The following MAGI2 variants were observed in gnomAD, a reference collection of about 807,000 sequenced individuals.
MAGI2 encodes membrane associated guanylate kinase, WW and PDZ domain containing 2, also known as membrane-associated guanylate kinase, WW and PDZ domain-containing protein 2.
Under a neutral mutation model 133.3 loss-of-function variants are expected in MAGI2, and 35 were observed. That is an observed-to-expected ratio of 0.26 (90% CI 0.20 to 0.35). The LOEUF is 0.35. MAGI2 is among the 10% of genes least tolerant of loss of function. The probability of loss-of-function intolerance (pLI) is 1.00; values close to 1 mark genes in which losing one functional copy is unlikely to be tolerated. For missense variants in MAGI2, 1,636 were observed against 1,863.4 expected, an observed-to-expected ratio of 0.88 and a Z score of 2.25; for synonymous variants, 729 against 710.6, an observed-to-expected ratio of 1.03 and a Z score of -0.41.
At chr7:79,118,911 A>T (rs1359315698) in intron 1 of MAGI2, among the ~76,000 whole-genome samples, 2 of 152,136 alleles carry the variant, frequency 1.3e-5, no homozygotes, top group Non-Finnish European at 2.9e-5. Flanking sequence ...TTCTTCAAAG[A>T]TTGTTTTACA....
chr7:79,071,351 C>T (rs1258720079), intron 1 of MAGI2, among the ~76,000 whole-genome samples: 1 of 152,008 alleles, frequency 6.6e-6, no homozygotes, highest in African/African-American at 2.4e-5. Flanking sequence ...CCCCCAGATG[C>T]CAGCCATAGC....
At chr7:78,951,086 C>T (rs1457809551) in intron 2 of MAGI2, among the ~76,000 whole-genome samples, 1 of 151,754 alleles carries the variant, frequency 6.6e-6, no homozygotes, top group Non-Finnish European at 1.5e-5. Flanking sequence ...ATTCTCCTGC[C>T]TCAGCCTCCC....
At chr7:79,229,744 T>G (rs185228685) in intron 1 of MAGI2, among the ~76,000 whole-genome samples, 23 of 152,278 alleles carry the variant, frequency 1.5e-4, no homozygotes, top group African/African-American at 5.1e-4. Context: ...TTCTTTTCAT[T>G]TAGCAAAATT....
chr7:79,005,381 A>G lies in MAGI2; in HGVS notation c.418+1709T>C, dbSNP rs572659572. On this transcript the variant is annotated intron_variant, in intron 2 of 21. Transcript: ENST00000354212. ...ATTTATGACCTTGTACTGAAATTAC[A>G]TCTTGAAGCTCTTTATGTTTACTCA... 3.3e-5 allele frequency among the ~76,000 whole-genome samples: 5 copies of G among 152,272 alleles called. No homozygotes were observed. In the East Asian group the frequency reaches 9.7e-4, roughly 30 times the overall value.
intron 1 of MAGI2, among the ~76,000 whole-genome samples, chr7:79,078,104 G>A (rs1445052598): frequency 6.6e-6 from 1 of 152,154 alleles, no homozygotes; most frequent in East Asian, 1.9e-4. Context: ...GTAAGACGGA[G>A]GATGGGAGAA....
At chr7:79,135,963 GA>G (rs1169635541) in intron 1 of MAGI2, among the ~76,000 whole-genome samples, 4 of 26,114 alleles carry the variant, frequency 1.5e-4, no homozygotes, top group East Asian at 1.4e-3. Flanking sequence ...AAGAAAGAAA[GA>G]AAGAAAGAAA....
intron 2 of MAGI2, among the ~76,000 whole-genome samples, chr7:78,649,392 C>T (rs982056823): frequency 6.6e-6 from 1 of 151,754 alleles, no homozygotes; most frequent in Non-Finnish European, 1.5e-5. Context: ...TAAAGAATTG[C>T]TTTTGGATTC....
chr7:79,395,640 T>C (rs1021667110), intron 1 of MAGI2, among the ~76,000 whole-genome samples: 3 of 152,214 alleles, frequency 2.0e-5, no homozygotes, highest in Non-Finnish European at 4.4e-5. Context: ...TCCATCAATT[T>C]ACATTGAACC....
intron 3 of MAGI2, among the ~76,000 whole-genome samples, chr7:78,612,342 T>C (rs187635564): frequency 5.3e-5 from 8 of 152,096 alleles, no homozygotes; most frequent in Admixed American, 5.2e-4. Flanking sequence ...ATTAAATAAA[T>C]AATAATTATA....
At chr7:78,846,223 TAACCGTACAATCTGG>T (rs796740048) in intron 2 of MAGI2, among the ~76,000 whole-genome samples, 58 of 151,990 alleles carry the variant, frequency 3.8e-4, no homozygotes, top group African/African-American at 1.3e-3. Flanking sequence ...AGTTCTCCAT[TAACCGTACAATCTGG>T]AAGAAAAGAA....
intron 5 of MAGI2, among the ~76,000 whole-genome samples, chr7:78,498,077 C>T (rs1794287735): frequency 6.6e-6 from 1 of 151,838 alleles, no homozygotes; most frequent in African/African-American, 2.4e-5. Flanking sequence ...TATTTATTTA[C>T]TTAATTGATA....
chr7:78,779,613 T>A (rs1186448295), intron 2 of MAGI2, among the ~76,000 whole-genome samples: 1 of 152,226 alleles, frequency 6.6e-6, no homozygotes, highest in East Asian at 1.9e-4. Flanking sequence ...GGATAACTTA[T>A]TTAATGTCAA....
intron 1 of MAGI2, among the ~76,000 whole-genome samples, chr7:79,359,529 A>G (rs746074792): frequency 1.3e-5 from 2 of 152,122 alleles, no homozygotes; most frequent in Non-Finnish European, 2.9e-5. Context: ...TAAAGAATCC[A>G]TTCCAAGAAA....
chr7:78,291,204 AAG>A (rs1240353524), intron 9 of MAGI2, among the ~76,000 whole-genome samples: 1 of 152,220 alleles, frequency 6.6e-6, no homozygotes, highest in Non-Finnish European at 1.5e-5. Context: ...TAAAGAAGAA[AAG>A]AGAGAAGAAT....
At chr7:78,947,139 G>C (rs972981803) in intron 2 of MAGI2, among the ~76,000 whole-genome samples, 1 of 151,724 alleles carries the variant, frequency 6.6e-6, no homozygotes, top group Non-Finnish European at 1.5e-5. Context: ...TCTCTTCTTG[G>C]TTTAGTAAAA....
intron 3 of MAGI2, among the ~76,000 whole-genome samples, chr7:78,606,817 C>T (rs970554511): frequency 1.2e-4 from 14 of 116,992 alleles, no homozygotes; most frequent in Non-Finnish European, 2.3e-4. Context: ...ATTCTGTTTA[C>T]CATGCCCTCC....
chr7:78,398,826 C>T (rs1796594300), intron 6 of MAGI2, among the ~76,000 whole-genome samples: 1 of 152,110 alleles, frequency 6.6e-6, no homozygotes, highest in Non-Finnish European at 1.5e-5. Context: ...GTTTAAAAAT[C>T]CTCCTGCTTT....
At chr7:79,420,364 T>C (rs555993337) in intron 1 of MAGI2, among the ~76,000 whole-genome samples, 1 of 152,094 alleles carries the variant, frequency 6.6e-6, no homozygotes, top group African/African-American at 2.4e-5. Flanking sequence ...ACTTAGAAAC[T>C]ACTCAAAGTG....
intron 6 of MAGI2, among the ~76,000 whole-genome samples, chr7:78,385,988 G>A (rs1446284468): frequency 2.6e-5 from 1 of 38,606 alleles, no homozygotes; most frequent in Non-Finnish European, 4.3e-5. Context: ...TTCAAACAGA[G>A]CAAAACTTCC....
Sources: gnomAD v4.1 joint callset for allele counts (sites outside exome capture counted in the v4.1 genomes callset) on GRCh38, gnomAD v4.1.1 for gene constraint, MANE v1.5 for transcripts, NCBI Gene and HGNC (gene_info 2026-07-23, HGNC 2026-07-21) for gene names.